Variants in CTRC observed in about 807,000 individuals in gnomAD.
CTRC encodes chymotrypsin-C.
Under a neutral mutation model 35.7 loss-of-function variants are expected in CTRC, and 32 were observed. That is an observed-to-expected ratio of 0.90 (90% confidence interval 0.68 to 1.20). The LOEUF (loss-of-function observed/expected upper bound fraction) is 1.20. Ranked by LOEUF, CTRC falls within the 50% of genes most tolerant of loss-of-function variation. The probability of loss-of-function intolerance (pLI) is 0.00; values close to 1 mark genes in which losing one functional copy is unlikely to be tolerated. For missense variants in CTRC, 324 were observed against 361.5 expected (o/e 0.90, Z 0.84); for synonymous variants, 119 against 149.5 (o/e 0.80, Z 1.49).
intron 6 of CTRC, 34 bp from the exon 7 acceptor site, chr1:15,445,563 G>C: frequency 2.5e-6 from 4 of 1,608,346 alleles, no homozygotes; most frequent in African/African-American, 1.3e-5. Context: ...CTGGGGGGGG[G>C]CCTGGTGGCT....
At chr1:15,446,464 G>A in intron 7 of CTRC, 111 bp from the exon 8 acceptor site, 1 of 1,068,464 alleles carries the variant, frequency 9.4e-7, no homozygotes, top group Non-Finnish European at 1.5e-6. Flanking sequence ...GCATGTGAAG[G>A]CCGGGGGCTG....
Position 15,446,813 on chromosome 1 carries a change from G to A in CTRC, c.*224G>A, listed in dbSNP as rs1309355429. ...AGGCCGGGAGAGAGGGCCAAGGAAG[G>A]AGCCTCCTGGGGCATTAATGGGAGG... is the stretch of plus-strand genomic sequence containing the variant. On this transcript the variant is annotated 3_prime_UTR_variant, in exon 8 of 8. Coordinates refer to ENST00000375949, the MANE Select transcript of CTRC (RefSeq NM_007272.3). 18 of 645,266 alleles carry A rather than the reference G, an allele frequency of 2.8e-5. No homozygotes were observed. The highest frequency in any genetic ancestry group is 4.7e-5 in the Non-Finnish European group (17 of 358,100). The allele number at this position is 645,266 out of a possible 1,614,324, so 40.0% of individuals were successfully genotyped here. A position where few individuals can be genotyped will look rare whatever the true frequency, so the allele number is the denominator to read the frequency against.
At chr1:15,444,287 A>C (rs1264734375) in intron 5 of CTRC, among the ~76,000 whole-genome samples, 2 of 152,028 alleles carry the variant, frequency 1.3e-5, no homozygotes, top group African/African-American at 4.8e-5. Context: ...AGAAATAGAA[A>C]ATCTTGGGGG....
chr1:15,442,375 G>T, intron 3 of CTRC, 72 bp from the exon 4 acceptor site: 1 of 1,549,934 alleles, frequency 6.5e-7, no homozygotes, highest in South Asian at 1.2e-5. Context: ...CTAAAGCCCC[G>T]AGCTCCCTCT....
At chr1:15,439,164 G>A (rs1451487953) in intron 1 of CTRC, among the ~76,000 whole-genome samples, 5 of 151,968 alleles carry the variant, frequency 3.3e-5, no homozygotes, top group South Asian at 2.1e-4. Flanking sequence ...GGTGGCTCAC[G>A]CCTGTAATCC....
Position 15,449,006 on chromosome 1 carries a change from C to T in CTRC, c.*2417C>T, listed in dbSNP as rs1486615019. 1.3e-5 allele frequency: 2 copies of T among 152,172 alleles called. No individual in the cohort carries two copies. Among genetic ancestry groups the T allele is most frequent in the Non-Finnish European group, 2.9e-5 (2 of 68,032 alleles). The allele number at this position is 152,172 out of a possible 1,614,324, so 9.4% of individuals were successfully genotyped here. A position where few individuals can be genotyped will look rare whatever the true frequency, so the allele number is the denominator to read the frequency against. On this transcript the variant is annotated 3_prime_UTR_variant, in exon 8 of 8. Coordinates refer to ENST00000375949, the MANE Select transcript of CTRC (RefSeq NM_007272.3). ...ATAGGTTTTACATTATCTCAATCCC[C>T]AGAAACAATCCCATGAGGTAGGTTA...
chr1:15,440,275 T>G, intron 1 of CTRC, 25 bp from the exon 2 acceptor site: 1 of 1,182,726 alleles, frequency 8.5e-7, no homozygotes, highest in Non-Finnish European at 1.1e-6. Flanking sequence ...TATTCACTGG[T>G]TCTTCTGGCC....
intron 3 of CTRC, 112 bp from the exon 4 acceptor site, chr1:15,442,335 G>T: frequency 7.2e-7 from 1 of 1,379,976 alleles, no homozygotes. Context: ...AGGACAATGG[G>T]AACACTCTCT....
rs532704922 is a variant in CTRC at position 15,447,268 on chromosome 1, C to G, written c.*679C>G. 22 of 161,144 alleles carry G rather than the reference C, an allele frequency of 1.4e-4. No homozygotes were observed. The highest frequency in any genetic ancestry group is 8.2e-5 in the Non-Finnish European group (6 of 73,134). 10.0% of individuals were successfully genotyped at this position (161,144 alleles called of 1,614,324 possible). A position where few individuals can be genotyped will look rare whatever the true frequency, so the allele number is the denominator to read the frequency against. ...TCCTGTGCTGGGCATGATGAGGGTACAGGAAGAGGAAGAGACCCCAGCATC... is the reference window on the plus strand; with the variant it reads ...TCCTGTGCTGGGCATGATGAGGGTAGAGGAAGAGGAAGAGACCCCAGCATC... On this transcript the variant is annotated 3_prime_UTR_variant, in exon 8 of 8. Coordinates refer to ENST00000375949, the MANE Select transcript of CTRC (RefSeq NM_007272.3).
At chr1:15,445,428 G>A (rs1184792091) in intron 6 of CTRC, among the ~76,000 whole-genome samples, 169 bp from the exon 7 acceptor site, 3 of 152,174 alleles carry the variant, frequency 2.0e-5, no homozygotes, top group Non-Finnish European at 4.4e-5. Context: ...CAAGGCAGCC[G>A]CAAACCACAT....
chr1:15,443,677 A>G lies in CTRC; in HGVS notation c.493+122A>G. ...TCATGTCTTTGTAAACTTTGTAACAATAACAGCTAATATTTACTAAGCACA... is the reference window on the plus strand; with the variant it reads ...TCATGTCTTTGTAAACTTTGTAACAGTAACAGCTAATATTTACTAAGCACA... On this transcript the variant is annotated intron_variant, in intron 5 of 7. Transcript: ENST00000375949. 5.1e-6 allele frequency: 6 copies of G among 1,172,326 alleles called. No individual in the cohort carries two copies. In the East Asian group the frequency reaches 7.1e-5, roughly 14 times the overall value. 72.6% of individuals were successfully genotyped at this position (1,172,326 alleles called of 1,614,324 possible). A position where few individuals can be genotyped will look rare whatever the true frequency, so the allele number is the denominator to read the frequency against.
intron 1 of CTRC, among the ~76,000 whole-genome samples, chr1:15,439,206 A>G (rs1708085717): frequency 1.3e-5 from 2 of 152,190 alleles, no homozygotes; most frequent in Non-Finnish European, 2.9e-5. Context: ...TGGGTGGATC[A>G]CTTGAGATCA....
rs1020766131 is a variant in CTRC at position 15,449,222 on chromosome 1, T to G, written c.*2633T>G. 1 of 152,062 alleles carries G rather than the reference T, an allele frequency of 6.6e-6. No homozygotes were observed. The highest frequency in any genetic ancestry group is 1.5e-5 in the Non-Finnish European group (1 of 68,018). 9.4% of individuals were successfully genotyped at this position (152,062 alleles called of 1,614,324 possible). On this transcript the variant is annotated 3_prime_UTR_variant, in exon 8 of 8. Transcript: ENST00000375949. ...AAACATCCTCCAGAAAAAAAATAAA[T>G]AAATAAAAACTTCCCTGATGAGAAA...
At chr1:15,441,994 G>A (rs899327946) in intron 3 of CTRC, among the ~76,000 whole-genome samples, 2 of 152,054 alleles carry the variant, frequency 1.3e-5, no homozygotes, top group Admixed American at 6.6e-5. Context: ...CCCCCGTCTC[G>A]GCTTCCCAAC....
At chr1:15,440,884 A>G (rs1426752949) in intron 3 of CTRC, among the ~76,000 whole-genome samples, 1 of 152,174 alleles carries the variant, frequency 6.6e-6, no homozygotes, top group East Asian at 1.9e-4. Flanking sequence ...AAATAATACT[A>G]ATAATAAGGT....
intron 1 of CTRC, 26 bp from the exon 2 acceptor site, chr1:15,440,274 G>A: frequency 1.5e-6 from 2 of 1,345,682 alleles, no homozygotes; most frequent in Non-Finnish European, 2.0e-6. Flanking sequence ...CTATTCACTG[G>A]TTCTTCTGGC....
At chr1:15,440,450 G>A (rs1708114414) in intron 2 of CTRC, 43 bp from the exon 3 acceptor site, 1 of 1,612,592 alleles carries the variant, frequency 6.2e-7, no homozygotes, top group Admixed American at 1.7e-5. Flanking sequence ...GAGGGTCCCA[G>A]GGACCTGCAG....
intron 3 of CTRC, among the ~76,000 whole-genome samples, chr1:15,441,942 A>T (rs1317381689): frequency 1.3e-5 from 2 of 152,012 alleles, no homozygotes; most frequent in Non-Finnish European, 2.9e-5. Flanking sequence ...GGGATTTGCC[A>T]TGTGGCTCAG....
At chr1:15,441,982 T>TC (rs1025481756) in intron 3 of CTRC, among the ~76,000 whole-genome samples, 35 of 151,948 alleles carry the variant, frequency 2.3e-4, no homozygotes, top group Admixed American at 2.3e-3. Flanking sequence ...CCTCAAGCAA[T>TC]CCCCCCGTCT....
Sources: gnomAD v4.1 joint callset for allele counts (sites outside exome capture counted in the v4.1 genomes callset) on GRCh38, gnomAD v4.1.1 for gene constraint, MANE v1.5 for transcripts, NCBI Gene and HGNC (gene_info 2026-07-23, HGNC 2026-07-21) for gene names.